Variants in TTC34 observed in about 807,000 individuals in gnomAD.
The protein encoded by TTC34 is tetratricopeptide repeat domain 34, also known as tetratricopeptide repeat protein 34.
In TTC34, 44 loss-of-function variants were observed where a neutral mutation model predicts 40.7. That is an observed-to-expected ratio of 1.08 (90% CI 0.85 to 1.39). The LOEUF (loss-of-function observed/expected upper bound fraction) is 1.39. TTC34 is among the 40% of genes most tolerant of loss of function. The pLI is 0.00. For synonymous variants in TTC34, 422 were observed against 398.6 expected (o/e 1.06, Z -0.70); for missense variants, 884 against 838.0 (o/e 1.05, Z -0.68).
intron 6 of TTC34, among the ~76,000 whole-genome samples, chr1:2,749,595 C>G (rs1641252340): frequency 9.1e-6 from 1 of 109,562 alleles, no homozygotes; most frequent in African/African-American, 4.8e-5. Flanking sequence ...CCTGGAGCAG[C>G]ACCCACACCC....
chr1:2,688,181 T>A (rs1640455236), intron 6 of TTC34, among the ~76,000 whole-genome samples: 1 of 148,488 alleles, frequency 6.7e-6, no homozygotes, highest in African/African-American at 2.5e-5. Flanking sequence ...CAGGCGAGCA[T>A]CGGACAGCCT....
chr1:2,790,610 G>A (rs984643079), intron 2 of TTC34, among the ~76,000 whole-genome samples: 11 of 152,242 alleles, frequency 7.2e-5, no homozygotes, highest in African/African-American at 2.2e-4. Flanking sequence ...CGGCCTGCCA[G>A]CGACACTGTG....
chr1:2,749,420 G>A (rs1641244584), intron 6 of TTC34, among the ~76,000 whole-genome samples: 2 of 142,646 alleles, frequency 1.4e-5, no homozygotes, highest in African/African-American at 2.8e-5. Flanking sequence ...GTGCGCACGT[G>A]ACAGCCTGGA....
intron 6 of TTC34, among the ~76,000 whole-genome samples, chr1:2,765,696 G>A (rs1641767112): frequency 2.8e-5 from 1 of 35,924 alleles, no homozygotes; most frequent in Non-Finnish European, 4.2e-5. Context: ...GCATCTGACA[G>A]CCTGGAGCAG....
chr1:2,686,319 A>ACG (rs1640343463), intron 6 of TTC34, among the ~76,000 whole-genome samples: 1 of 149,020 alleles, frequency 6.7e-6, no homozygotes, highest in African/African-American at 2.5e-5. Context: ...CAGCACCCAC[A>ACG]CCTCCAGGCG....
exon 9 of TTC34, chr1:2,641,803 G>A: frequency 6.5e-7 from 1 of 1,535,216 alleles, no homozygotes; most frequent in African/African-American, 1.4e-5. Flanking sequence ...GACAGGCACT[G>A]CTGCCACTGG....
intron 6 of TTC34, among the ~76,000 whole-genome samples, chr1:2,687,182 A>ACATCCTTG: frequency 7.0e-6 from 1 of 142,278 alleles, no homozygotes; most frequent in Middle Eastern, 3.7e-3. Context: ...CGAGCATCTG[A>ACATCCTTG]ACCCACGGAG....
chr1:2,641,928 G>T, intron 8 of TTC34, 33 bp from the exon 9 acceptor site: 1 of 1,441,712 alleles, frequency 6.9e-7, no homozygotes, highest in South Asian at 1.4e-5. Context: ...GGCAGGGAGA[G>T]TGGGGTCAGC....
At chr1:2,789,785 G>A (rs1643640980) in exon 3 of TTC34, 1 of 524,452 alleles carries the variant, frequency 1.9e-6, no homozygotes, top group Non-Finnish European at 3.1e-6. Context: ...ACAGCCCCCC[G>A]GGTGCGGCGC....
intron 6 of TTC34, among the ~76,000 whole-genome samples, chr1:2,683,184 C>T (rs1485013187): frequency 7.0e-6 from 1 of 142,842 alleles, no homozygotes; most frequent in Non-Finnish European, 1.5e-5. Flanking sequence ...TGGAGCGGAA[C>T]CCACGGCCAC....
At chr1:2,681,664 C>A (rs1289789089) in intron 6 of TTC34, among the ~76,000 whole-genome samples, 1 of 87,068 alleles carries the variant, frequency 1.1e-5, no homozygotes. Context: ...AGCATCCACA[C>A]CCCCAGGTGA....
chr1:2,760,482 C>T (rs1641658735), intron 6 of TTC34, among the ~76,000 whole-genome samples: 1 of 54,768 alleles, frequency 1.8e-5, no homozygotes, highest in Non-Finnish European at 2.9e-5. Flanking sequence ...ACACCACCCA[C>T]ATCCGCAGGT....
exon 9 of TTC34, chr1:2,641,842 C>T (rs962701720): frequency 1.7e-5 from 26 of 1,523,502 alleles, no homozygotes; most frequent in East Asian, 2.5e-5. Context: ...AGTAGCCCAG[C>T]GCCTGCCTGG....
intron 6 of TTC34, among the ~76,000 whole-genome samples, chr1:2,749,722 C>G (rs1373783700): frequency 4.9e-5 from 4 of 81,870 alleles, no homozygotes; most frequent in Non-Finnish European, 6.9e-5. Context: ...ACAGCACGCA[C>G]AACCCCAGGT....
chr1:2,748,081 T>C (rs1267991655), intron 6 of TTC34, among the ~76,000 whole-genome samples: 145 of 7,656 alleles, frequency 0.019, no homozygotes, highest in Middle Eastern at 0.1. Context: ...CACCCACACC[T>C]CCAGGTGAGC....
At position 2,682,188 on chromosome 1, in the gene TTC34, C is replaced by T. The variant is rs1428614665; in HGVS notation, c.2227-36625G>A. Among the ~76,000 whole-genome samples, 9 of 132,004 alleles carry T rather than the reference C, an allele frequency of 6.8e-5. No homozygotes were observed. In the East Asian group the frequency reaches 1.3e-3, roughly 19 times the overall value. The allele number at this position is 132,004 out of a possible 152,430, so 86.6% of individuals were successfully genotyped here. On this transcript the variant is annotated intron_variant, in intron 6 of 8. Transcript: ENST00000401095. ...CGACAGCCTGGAGCAGCACCCACCA[C>T]TCCCAGGCCAGCATCCGATAACCTG...
At chr1:2,652,214 G>T (rs796531304) in intron 6 of TTC34, among the ~76,000 whole-genome samples, 1 of 55,534 alleles carries the variant, frequency 1.8e-5, no homozygotes, top group Non-Finnish European at 4.7e-5. Context: ...ACCCCCAAGT[G>T]AGCATCTGAC....
chr1:2,792,006 C>CTTTTTTGTTTTTTTTTTTTTT (rs1643668279), intron 2 of TTC34, among the ~76,000 whole-genome samples: 1 of 39,522 alleles, frequency 2.5e-5, no homozygotes, highest in Admixed American at 3.5e-4. Flanking sequence ...TTGCCATATG[C>CTTTTTTGTTTTTTTTTTTTTT]TTTTTTTTTT....
chr1:2,697,573 T>A (rs77838636), intron 6 of TTC34, among the ~76,000 whole-genome samples: 9,822 of 101,556 alleles, frequency 0.097, 10 homozygotes, highest in Middle Eastern at 0.17. Flanking sequence ...CACCCCCAGG[T>A]GAGCATCCGA....
Sources: allele counts gnomAD v4.1 joint callset (sites outside exome capture counted in the v4.1 genomes callset), GRCh38; gene constraint gnomAD v4.1.1; transcripts MANE v1.5; gene names NCBI Gene and HGNC (gene_info 2026-07-23, HGNC 2026-07-21).